TXNRD1: variants seen among roughly 807,000 people sequenced by gnomAD.
TXNRD1 encodes the protein thioredoxin reductase 1, cytoplasmic.
A neutral mutation model predicts 80.3 loss-of-function variants in TXNRD1; 57 were observed. That is an observed-to-expected ratio of 0.71 (90% confidence interval 0.57 to 0.89). The LOEUF is 0.89. Ranked by LOEUF, TXNRD1 falls within the 40% of genes least tolerant of loss-of-function variation. TXNRD1 has a pLI of 0.00. For missense variants in TXNRD1, 730 were observed against 803.0 expected (o/e 0.91, Z 1.10); for synonymous variants, 291 against 285.2 (o/e 1.02, Z -0.20).
At chr12:104,326,460 ATTTTTTTTTTT>A (rs371884469) in intron 12 of TXNRD1, 37 bp downstream of exon 12, 60 of 540,194 alleles carry the variant, frequency 1.1e-4, no homozygotes, top group Admixed American at 4.5e-4. Context: ...TATTTGTGGG[ATTTTTTTTTTT>A]TTTTTTTTTT....
chr12:104,240,811 C>T (rs1049920740), intron 1 of TXNRD1, among the ~76,000 whole-genome samples: 17 of 148,164 alleles, frequency 1.1e-4, no homozygotes, highest in African/African-American at 1.5e-4. Context: ...GGCACTATCT[C>T]GACTCACTGC....
At chr12:104,313,504 G>C (rs1330661883) in intron 6 of TXNRD1, among the ~76,000 whole-genome samples, 187 bp downstream of exon 6, 1 of 152,174 alleles carries the variant, frequency 6.6e-6, no homozygotes, top group Non-Finnish European at 1.5e-5. Context: ...AAAAATTTAG[G>C]TTCTTTGGCA....
intron 15 of TXNRD1, among the ~76,000 whole-genome samples, chr12:104,336,253 A>C (rs1593870392): frequency 6.6e-6 from 1 of 152,360 alleles, no homozygotes; most frequent in African/African-American, 2.4e-5. Flanking sequence ...ACATTTGTTC[A>C]AATGGCATTG....
chr12:104,258,589 T>C (rs2033301807), intron 3 of TXNRD1, among the ~76,000 whole-genome samples: 1 of 152,116 alleles, frequency 6.6e-6, no homozygotes, highest in African/African-American at 2.4e-5. Context: ...TGCTCCTTTT[T>C]TGTGGGTCAG....
intron 4 of TXNRD1, chr12:104,309,750 C>T: frequency 6.6e-7 from 1 of 1,510,596 alleles, no homozygotes; most frequent in Non-Finnish European, 8.9e-7. Flanking sequence ...AATTGTTTTT[C>T]CCCCACAGTG....
At chr12:104,217,410 A>G (rs1183469800) in intron 1 of TXNRD1, among the ~76,000 whole-genome samples, 1 of 151,696 alleles carries the variant, frequency 6.6e-6, no homozygotes, top group African/African-American at 2.4e-5. Flanking sequence ...TCCCAGGTTG[A>G]AGCGATTCTC....
chr12:104,348,912 A>C lies in TXNRD1; in HGVS notation c.*491A>C, dbSNP rs1383920856. On this transcript the variant is annotated 3_prime_UTR_variant, in exon 17 of 17. Coordinates refer to ENST00000525566, the MANE Select transcript of TXNRD1 (RefSeq NM_001093771.3). The stretch of plus-strand genomic sequence containing the variant: ...AGGTGTCTTGTTGCATGGAAGGGAT[A>C]GTTTGGCTCCCTTGGAGGCTATGTA... The C allele has an allele frequency of 6.3e-6, 1 of 158,368 alleles. No individual in the cohort carries two copies. Among genetic ancestry groups the C allele is most frequent in the Non-Finnish European group, 1.4e-5 (1 of 71,534 alleles). 9.8% of individuals were successfully genotyped at this position (158,368 alleles called of 1,614,324 possible). A position where few individuals can be genotyped will look rare whatever the true frequency, so the allele number is the denominator to read the frequency against.
At chr12:104,347,063 C>T (rs563085197) in intron 16 of TXNRD1, among the ~76,000 whole-genome samples, 75 of 152,196 alleles carry the variant, frequency 4.9e-4, no homozygotes, top group Non-Finnish European at 7.4e-4. Context: ...CCGCTGCACT[C>T]CAGCCTGGGT....
At chr12:104,267,284 C>CTTTCTTTCTTTCTTTCTTTCTTTCTT (rs2033524577) in intron 3 of TXNRD1, among the ~76,000 whole-genome samples, 2 of 9,216 alleles carry the variant, frequency 2.2e-4, no homozygotes, top group African/African-American at 3.9e-4. Context: ...TCTTTCTTTC[C>CTTTCTTTCTTTCTTTCTTTCTTTCTT]TCTTTCTGTC....
rs2135908497 is a variant in TXNRD1, at chr12:104,349,231, C to A, written c.*810C>A. ...GAAATGGGGGAGAAACAGTACATAT[C>A]TTTCTGTCTTTAGTTTATTGTGTGC... On this transcript the variant is annotated 3_prime_UTR_variant, in exon 17 of 17. Coordinates refer to ENST00000525566, the MANE Select transcript of TXNRD1 (RefSeq NM_001093771.3). The A allele has an allele frequency of 6.6e-6, 1 of 152,282 alleles. No homozygotes were observed. The highest frequency in any genetic ancestry group is 1.9e-4 in the East Asian group (1 of 5,186). The allele number at this position is 152,282 out of a possible 1,614,324, so 9.4% of individuals were successfully genotyped here.
chr12:104,247,348 G>A (rs1016520335), intron 1 of TXNRD1, among the ~76,000 whole-genome samples: 2 of 152,192 alleles, frequency 1.3e-5, no homozygotes, highest in African/African-American at 2.4e-5. Context: ...GATTACAGGT[G>A]TGAGCCACCA....
rs137888612 is a variant in TXNRD1 at position 104,252,487 on chromosome 12, TA to T, written c.243+811del. On this transcript the variant is annotated intron_variant, in intron 2 of 16. Coordinates refer to ENST00000525566, the MANE Select transcript of TXNRD1 (RefSeq NM_001093771.3). ...CACCCTGAATAAACCAGGGTGGACT[TA>T]ACCATTAACGAAGGTGAGAATTGAA... Among the ~76,000 whole-genome samples, 206 of 151,058 alleles carry T rather than the reference TA, an allele frequency of 1.4e-3. 1 individual carries two copies. The East Asian group carries it at 0.02, about 15-fold the overall frequency.
intron 1 of TXNRD1, among the ~76,000 whole-genome samples, chr12:104,218,312 C>T (rs2032267933): frequency 6.6e-6 from 1 of 152,128 alleles, no homozygotes; most frequent in African/African-American, 2.4e-5. Flanking sequence ...GCTTGAGCCA[C>T]CACGCCCGGC....
chr12:104,266,959 CT>C (rs2033505138), intron 3 of TXNRD1, among the ~76,000 whole-genome samples: 1 of 150,974 alleles, frequency 6.6e-6, no homozygotes, highest in Non-Finnish European at 1.5e-5. Context: ...GAGACTCCGT[CT>C]CAAAAATAAA....
Position 104,342,467 on chromosome 12 carries a change from G to A in TXNRD1, c.1881+3194G>A, listed in dbSNP as rs61470880. ...ATATTTCTTCTCATTTCACAATATC[G>A]TAGGATGTTGGGGCAGGATGATTCT... On this transcript the variant is annotated intron_variant, in intron 16 of 16. Coordinates refer to ENST00000525566, the MANE Select transcript of TXNRD1 (RefSeq NM_001093771.3). Among the ~76,000 whole-genome samples the A allele has an allele frequency of 3.7e-3, 564 of 152,222 alleles. 3 individuals are homozygous for A. Among genetic ancestry groups the A allele is most frequent in the African/African-American group, 0.013 (544 of 41,538 alleles).
chr12:104,243,164 G>C (rs887008862), intron 1 of TXNRD1, among the ~76,000 whole-genome samples: 2 of 152,030 alleles, frequency 1.3e-5, no homozygotes, highest in African/African-American at 4.8e-5. Context: ...CCTACCTAGG[G>C]TTTTATTTCA....
chr12:104,346,328 C>T (rs2036491259), intron 16 of TXNRD1, among the ~76,000 whole-genome samples: 1 of 152,140 alleles, frequency 6.6e-6, no homozygotes, highest in African/African-American at 2.4e-5. Flanking sequence ...TTTATTTAGA[C>T]TGATCAACGA....
intron 1 of TXNRD1, 56 bp downstream of exon 1, chr12:104,215,949 C>T (rs2032197417): frequency 6.8e-7 from 1 of 1,465,538 alleles, no homozygotes; most frequent in Non-Finnish European, 9.3e-7. Context: ...GCGGGCCTTC[C>T]GGCCGGGGTT....
intron 4 of TXNRD1, among the ~76,000 whole-genome samples, chr12:104,306,416 C>G (rs928708749): frequency 2.0e-5 from 3 of 152,234 alleles, no homozygotes; most frequent in African/African-American, 7.2e-5. Flanking sequence ...GCTTTCTTCC[C>G]CTTGATCCCT....
Sources: gnomAD v4.1 joint callset for allele counts (sites outside exome capture counted in the v4.1 genomes callset) on GRCh38, gnomAD v4.1.1 for gene constraint, MANE v1.5 for transcripts, NCBI Gene and HGNC (gene_info 2026-07-23, HGNC 2026-07-21) for gene names.